Variants in ARHGAP6 observed in about 807,000 individuals in gnomAD.
ARHGAP6 encodes Rho GTPase activating protein 6, also known as rho GTPase-activating protein 6.
A neutral mutation model predicts 55.7 loss-of-function variants in ARHGAP6; 16 were observed. The ratio of observed to expected loss-of-function variants is 0.29; its 90% CI spans 0.19 to 0.44. The LOEUF (loss-of-function observed/expected upper bound fraction) is 0.44. Ranked by LOEUF, ARHGAP6 falls within the 20% of genes least tolerant of loss-of-function variation. The probability of loss-of-function intolerance (pLI) is 1.00; values close to 1 mark genes in which losing one functional copy is unlikely to be tolerated. For missense variants in ARHGAP6, 698 were observed against 808.9 expected, an observed-to-expected ratio of 0.86 and a Z score of 1.66; for synonymous variants, 382 against 360.9, an observed-to-expected ratio of 1.06 and a Z score of -0.66.
chrX:11,510,937 G>A (rs900123777), intron 1 of ARHGAP6, among the ~76,000 whole-genome samples: 4 of 111,885 alleles, frequency 3.6e-5, no homozygotes, highest in South Asian at 3.8e-4. Flanking sequence ...GCAGAGTTGA[G>A]TAGTTGGGAC....
intron 1 of ARHGAP6, among the ~76,000 whole-genome samples, chrX:11,320,369 T>C (rs748641292): frequency 3.6e-5 from 4 of 111,917 alleles, no homozygotes; most frequent in Non-Finnish European, 7.5e-5. Flanking sequence ...AATTGGTAAT[T>C]TTAATGGATA....
intron 10 of ARHGAP6, among the ~76,000 whole-genome samples, chrX:11,153,332 C>G (rs1164133780): frequency 2.7e-5 from 3 of 109,218 alleles, no homozygotes; most frequent in Admixed American, 9.8e-5. Flanking sequence ...CGAGACCAGT[C>G]TGGCCAACAT....
intron 1 of ARHGAP6, among the ~76,000 whole-genome samples, chrX:11,644,776 G>C (rs2052510205): frequency 9.0e-6 from 1 of 111,690 alleles, no homozygotes; most frequent in East Asian, 2.8e-4. Context: ...CTGGAAAATA[G>C]TTTGATAGTT....
At chrX:11,230,487 C>T (rs889595303) in intron 2 of ARHGAP6, among the ~76,000 whole-genome samples, 3 of 111,317 alleles carry the variant, frequency 2.7e-5, no homozygotes, top group Non-Finnish European at 5.7e-5. Flanking sequence ...TGAGCCACCG[C>T]GCCCGGCCAA....
intron 1 of ARHGAP6, among the ~76,000 whole-genome samples, chrX:11,412,492 T>C (rs1450802961): frequency 1.8e-5 from 2 of 112,350 alleles, no homozygotes; most frequent in African/African-American, 6.5e-5. Context: ...GAAACTTTTC[T>C]AGACATTAAA....
At chrX:11,530,868 G>C (rs1238691613) in intron 1 of ARHGAP6, among the ~76,000 whole-genome samples, 3 of 111,802 alleles carry the variant, frequency 2.7e-5, no homozygotes, top group Non-Finnish European at 5.6e-5. Context: ...CAGCAGGTCA[G>C]GGTTGTCAGT....
At chrX:11,417,695 C>A (rs986281707) in intron 1 of ARHGAP6, among the ~76,000 whole-genome samples, 9 of 111,506 alleles carry the variant, frequency 8.1e-5, no homozygotes, top group Non-Finnish European at 3.8e-5. Context: ...AAAAGTATTA[C>A]CTCAAAGGTA....
At chrX:11,567,280 C>G (rs1332292300) in intron 1 of ARHGAP6, among the ~76,000 whole-genome samples, 1 of 111,146 alleles carries the variant, frequency 9.0e-6, no homozygotes, top group Non-Finnish European at 1.9e-5. Context: ...GGAAAGAAAC[C>G]AACCGAGGTG....
At chrX:11,233,705 T>C in intron 2 of ARHGAP6, among the ~76,000 whole-genome samples, 1 of 112,654 alleles carries the variant, frequency 8.9e-6, no homozygotes, top group East Asian at 2.8e-4. Context: ...ATTCTGGCTT[T>C]TAAAATCATA....
chrX:11,282,222 G>A (rs1421295003), intron 1 of ARHGAP6, among the ~76,000 whole-genome samples: 2 of 112,213 alleles, frequency 1.8e-5, no homozygotes, highest in Admixed American at 9.4e-5. Flanking sequence ...TAATTCACTC[G>A]GATGGGTGGT....
At chrX:11,288,441 C>T (rs1603021759) in intron 1 of ARHGAP6, among the ~76,000 whole-genome samples, 1 of 112,061 alleles carries the variant, frequency 8.9e-6, no homozygotes, top group African/African-American at 3.2e-5. Flanking sequence ...TGTATAAAGG[C>T]TGTACATTTT....
intron 1 of ARHGAP6, among the ~76,000 whole-genome samples, chrX:11,300,320 GTGATAAGCT>G (rs1746924718): frequency 9.0e-6 from 1 of 111,380 alleles, no homozygotes; most frequent in African/African-American, 3.3e-5. Flanking sequence ...ACAAAATAGC[GTGATAAGCT>G]TGGAGCCTGA....
At chrX:11,211,401 T>G (rs1275727517) in intron 2 of ARHGAP6, among the ~76,000 whole-genome samples, 1 of 108,591 alleles carries the variant, frequency 9.2e-6, no homozygotes, top group Non-Finnish European at 1.9e-5. Flanking sequence ...TGGCTAATTT[T>G]TTGTATTTTT....
intron 1 of ARHGAP6, among the ~76,000 whole-genome samples, chrX:11,450,055 C>A (rs895040651): frequency 4.5e-5 from 5 of 111,521 alleles, no homozygotes; most frequent in Non-Finnish European, 5.7e-5. Flanking sequence ...AGAACAGCCC[C>A]TAGATACCAA....
intron 2 of ARHGAP6, among the ~76,000 whole-genome samples, chrX:11,197,619 A>G (rs1265390391): frequency 1.4e-4 from 16 of 112,363 alleles, no homozygotes; most frequent in African/African-American, 5.2e-4. Flanking sequence ...GGGGAGTTCC[A>G]TGGTATAGCT....
chrX:11,592,021 G>A (rs1323105016), intron 1 of ARHGAP6, among the ~76,000 whole-genome samples: 1 of 111,678 alleles, frequency 9.0e-6, no homozygotes, highest in Non-Finnish European at 1.9e-5. Flanking sequence ...CTGTGTGAAA[G>A]TGATTTGTAA....
intron 1 of ARHGAP6, among the ~76,000 whole-genome samples, chrX:11,331,664 A>G (rs968350347): frequency 8.9e-6 from 1 of 111,965 alleles, no homozygotes; most frequent in Non-Finnish European, 1.9e-5. Flanking sequence ...GTAAGCTGCA[A>G]AGTGAAGGCA....
At chrX:11,497,140 T>A (rs991164124) in intron 1 of ARHGAP6, among the ~76,000 whole-genome samples, 80 of 112,131 alleles carry the variant, frequency 7.1e-4, no homozygotes, top group Non-Finnish European at 1.2e-3. Context: ...GCCATCAAAG[T>A]GAATTTACTG....
intron 1 of ARHGAP6, among the ~76,000 whole-genome samples, chrX:11,276,354 T>G (rs913224510): frequency 8.9e-6 from 1 of 112,224 alleles, no homozygotes; most frequent in African/African-American, 3.2e-5. Context: ...TAACATTTTG[T>G]GCTTTTGTAT....
Sources: allele counts gnomAD v4.1 joint callset (sites outside exome capture counted in the v4.1 genomes callset), GRCh38; gene constraint gnomAD v4.1.1; transcripts MANE v1.5; gene names NCBI Gene and HGNC (gene_info 2026-07-23, HGNC 2026-07-21).